The following WWOX variants were observed in gnomAD, a reference collection of about 807,000 sequenced individuals.
WWOX encodes WW domain containing oxidoreductase.
WWOX carries 69 observed loss-of-function variants against 46.2 expected under a neutral mutation model. The ratio of observed to expected loss-of-function variants is 1.49; its 90% CI spans 1.23 to 1.82. The LOEUF is 1.82. WWOX is among the 40% of genes most tolerant of loss of function. The pLI is 0.00. For synonymous variants in WWOX, 359 were observed against 202.6 expected (o/e 1.77, Z -6.56); for missense variants, 919 against 542.6 (o/e 1.69, Z -6.89).
At chr16:79,039,094 C>G (rs1435610242) in intron 8 of WWOX, among the ~76,000 whole-genome samples, 2 of 151,846 alleles carry the variant, frequency 1.3e-5, no homozygotes, top group East Asian at 3.9e-4. Flanking sequence ...ACTTGATTTC[C>G]TGCATTAAAA....
At position 78,621,277 on chromosome 16, in the gene WWOX, C is replaced by G. The variant is rs539771897; in HGVS notation, c.1056+188525C>G. On this transcript the variant is annotated intron_variant, in intron 8 of 8. Transcript: ENST00000566780. ...TGGCATATCATTCTGGTTAACTGAA[C>G]TTTCCATTAACTCACAGATCTATCT... Among the ~76,000 whole-genome samples the G allele has an allele frequency of 7.9e-5, 12 of 152,198 alleles. No homozygotes were observed. In the East Asian group the frequency reaches 2.1e-3, roughly 27 times the overall value.
chr16:78,785,801 A>G (rs2050441156), intron 8 of WWOX, among the ~76,000 whole-genome samples: 1 of 142,216 alleles, frequency 7.0e-6, no homozygotes, highest in Non-Finnish European at 1.6e-5. Context: ...TGAATTGGAT[A>G]ATGGTTTTAA....
intron 6 of WWOX, among the ~76,000 whole-genome samples, chr16:78,423,222 T>C (rs1318330255): frequency 6.6e-6 from 1 of 152,298 alleles, no homozygotes; most frequent in East Asian, 1.9e-4. Flanking sequence ...TCTATCTCTT[T>C]CTTTCTCTTT....
intron 8 of WWOX, among the ~76,000 whole-genome samples, chr16:78,593,007 A>G (rs569212419): frequency 1.3e-5 from 2 of 152,306 alleles, no homozygotes; most frequent in Admixed American, 1.3e-4. Flanking sequence ...GATAGCTGCC[A>G]GGGAGGCTGG....
At chr16:78,251,014 C>T (rs1030541595) in intron 5 of WWOX, among the ~76,000 whole-genome samples, 7 of 152,156 alleles carry the variant, frequency 4.6e-5, no homozygotes, top group Non-Finnish European at 8.8e-5. Context: ...TTCCCCAGCC[C>T]GGACCACACA....
intron 8 of WWOX, among the ~76,000 whole-genome samples, chr16:78,608,413 C>G (rs1317726984): frequency 6.6e-6 from 1 of 152,206 alleles, no homozygotes; most frequent in Non-Finnish European, 1.5e-5. Flanking sequence ...ACATAACTGT[C>G]TCCTTACTCT....
At chr16:78,757,205 C>A (rs556282670) in intron 8 of WWOX, among the ~76,000 whole-genome samples, 1 of 152,172 alleles carries the variant, frequency 6.6e-6, no homozygotes, top group East Asian at 1.9e-4. Flanking sequence ...TTGTTTCAGC[C>A]CACTTAGTTT....
rs1385128114 is a variant in WWOX, at chr16:78,841,000, G to A, written c.1057-370608G>A. Reference sequence around the variant, plus strand: ...TGGCCTTTGGCACTTAGCAGGTGGGGTCCACGGGTCCATCCTGTGATGCCA... The same window carrying A: ...TGGCCTTTGGCACTTAGCAGGTGGGATCCACGGGTCCATCCTGTGATGCCA... On this transcript the variant is annotated intron_variant, in intron 8 of 8. Coordinates refer to ENST00000566780, the MANE Select transcript of WWOX (RefSeq NM_016373.4). Among the ~76,000 whole-genome samples the A allele has an allele frequency of 3.3e-5, 5 of 152,176 alleles. No individual in the cohort carries two copies. In the East Asian group the frequency reaches 9.7e-4, roughly 29 times the overall value.
intron 5 of WWOX, among the ~76,000 whole-genome samples, chr16:78,386,497 C>G (rs1041922573): frequency 6.6e-6 from 1 of 152,174 alleles, no homozygotes; most frequent in Non-Finnish European, 1.5e-5. Context: ...TTGCATCTTT[C>G]CATGATCGAG....
intron 6 of WWOX, among the ~76,000 whole-genome samples, chr16:78,394,802 C>A (rs2082248829): frequency 6.6e-6 from 1 of 152,152 alleles, no homozygotes; most frequent in South Asian, 2.1e-4. Context: ...TGGCCAGGGG[C>A]CATAGTATGC....
intron 5 of WWOX, among the ~76,000 whole-genome samples, chr16:78,277,193 G>T (rs1384926045): frequency 6.6e-6 from 1 of 152,116 alleles, no homozygotes; most frequent in Non-Finnish European, 1.5e-5. Flanking sequence ...AATTTGAAAG[G>T]GGAGGAAAAA....
chr16:78,880,687 G>C (rs552965349), intron 8 of WWOX, among the ~76,000 whole-genome samples: 1 of 152,266 alleles, frequency 6.6e-6, no homozygotes, highest in South Asian at 2.1e-4. Flanking sequence ...ATGTACTCTT[G>C]CTGGCGGTCC....
intron 5 of WWOX, among the ~76,000 whole-genome samples, chr16:78,310,943 T>C (rs1056958144): frequency 6.6e-6 from 1 of 152,160 alleles, no homozygotes; most frequent in Non-Finnish European, 1.5e-5. Context: ...AGTGGATGCT[T>C]GGGAAGCCCC....
At chr16:78,139,258 A>C (rs2033904314) in intron 4 of WWOX, among the ~76,000 whole-genome samples, 1 of 152,182 alleles carries the variant, frequency 6.6e-6, no homozygotes, top group Non-Finnish European at 1.5e-5. Flanking sequence ...CAATGGACAA[A>C]ATCTGCAAGG....
chr16:78,376,208 G>A (rs1364343396), intron 5 of WWOX, among the ~76,000 whole-genome samples: 2 of 152,178 alleles, frequency 1.3e-5, no homozygotes, highest in African/African-American at 2.4e-5. Flanking sequence ...AGATTGTTCT[G>A]TAATTTCTGT....
At chr16:78,859,596 A>G (rs374470977) in intron 8 of WWOX, among the ~76,000 whole-genome samples, 37 of 152,316 alleles carry the variant, frequency 2.4e-4, no homozygotes, top group African/African-American at 8.2e-4. Context: ...TAGGGAAAAT[A>G]CCTTCATGTT....
chr16:78,927,492 G>T (rs1224137047), intron 8 of WWOX, among the ~76,000 whole-genome samples: 2 of 152,144 alleles, frequency 1.3e-5, no homozygotes, highest in Non-Finnish European at 2.9e-5. Flanking sequence ...CCTCAGCACG[G>T]AGCCCAGAGC....
At chr16:78,674,829 A>T (rs1024177791) in intron 8 of WWOX, among the ~76,000 whole-genome samples, 4 of 148,030 alleles carry the variant, frequency 2.7e-5, no homozygotes, top group Non-Finnish European at 6.0e-5. Flanking sequence ...TTCATTTTTC[A>T]TTTTTTTTTT....
At chr16:78,462,411 G>C (rs1041537130) in intron 8 of WWOX, among the ~76,000 whole-genome samples, 1 of 152,150 alleles carries the variant, frequency 6.6e-6, no homozygotes, top group Non-Finnish European at 1.5e-5. Flanking sequence ...GATTTATCCT[G>C]TTGTCGCTAA....
Sources: allele counts gnomAD v4.1 joint callset (sites outside exome capture counted in the v4.1 genomes callset), GRCh38; gene constraint gnomAD v4.1.1; transcripts MANE v1.5; gene names NCBI Gene and HGNC (gene_info 2026-07-23, HGNC 2026-07-21).